The following NPR1 variants were observed in gnomAD, a reference collection of about 807,000 sequenced individuals.
NPR1 encodes the protein atrial natriuretic peptide receptor 1.
NPR1 carries 57 observed loss-of-function variants against 116.9 expected under a neutral mutation model. The ratio of observed to expected loss-of-function variants is 0.49; its 90% CI spans 0.39 to 0.61. The LOEUF (loss-of-function observed/expected upper bound fraction) is 0.61, where lower values mean the gene tolerates loss of function less well. Ranked by LOEUF, NPR1 falls within the 20% of genes least tolerant of loss-of-function variation. The pLI, the probability that NPR1 is intolerant of heterozygous loss-of-function variation, is 0.00. For synonymous variants in NPR1, 555 were observed against 601.6 expected (o/e 0.92, Z 1.13); for missense variants, 1,096 against 1,409.8 (o/e 0.78, Z 3.56).
At position 153,682,537 on chromosome 1, in the gene NPR1, G is replaced by A. The variant is rs769691983; in HGVS notation, c.1211G>A (p.Arg404Gln). 5.0e-6 allele frequency: 8 copies of A among 1,614,014 alleles called. No homozygotes were observed. The highest frequency in any genetic ancestry group is 2.2e-5 in the East Asian group (1 of 44,884). Residue 404 changes from arginine (R) to glutamine (Q), a missense_variant, in exon 5 of 22, where the codon CGG (arginine) becomes CAG (glutamine). Transcript: ENST00000368680. ...CTGAAAATTGATAGCAGTGGCGATCGGGAAACAGACTTCTCCCTCTGGGAT... is the reference window on the plus strand; with the variant it reads ...CTGAAAATTGATAGCAGTGGCGATCAGGAAACAGACTTCTCCCTCTGGGAT... ...GYLKIDSSGD[R>Q]ETDFSLWDMD...
intron 4 of NPR1, among the ~76,000 whole-genome samples, chr1:153,682,241 G>A (rs1354412022): frequency 6.6e-6 from 1 of 151,544 alleles, no homozygotes; most frequent in Non-Finnish European, 1.5e-5. Context: ...ATTTTTTTTA[G>A]TAGAGACAGG....
Position 153,679,771 on chromosome 1 carries a change from C to G in NPR1, c.663C>G (p.Ala221=), listed in dbSNP as rs1170371309. The stretch of plus-strand genomic sequence containing the variant: ...TTACGGTGGACCACCTGGAGTTCGC[C>G]GAGGACGACCTCAGCCACTACACCA... ...LNITVDHLEF[A]EDDLSHYTRL... is the part of the protein sequence containing the mutation. The change falls in exon 1 of 22, where the codon GCC becomes GCG. Residue 221 remains alanine (A), a synonymous_variant. Transcript: ENST00000368680. This position sits in a 1 kb window ranked among gnomAD's most constrained non-coding sequence, Gnocchi z 4.2. 3.8e-6 allele frequency: 6 copies of G among 1,567,496 alleles called. No homozygotes were observed. Among genetic ancestry groups the G allele is most frequent in the Non-Finnish European group, 5.2e-6 (6 of 1,160,874 alleles).
At position 153,693,472 on chromosome 1, in the gene NPR1, T is replaced by A. The variant is rs137857759; in HGVS notation, c.*58T>A. 3.6e-4 allele frequency: 526 copies of A among 1,481,536 alleles called. 2 individuals carry two copies. In the African/African-American group the frequency reaches 4.5e-3, roughly 13 times the overall value. 91.8% of individuals were successfully genotyped at this position (1,481,536 alleles called of 1,614,324 possible). On this transcript the variant is annotated 3_prime_UTR_variant, in exon 22 of 22. Coordinates refer to ENST00000368680, the MANE Select transcript of NPR1 (RefSeq NM_000906.4). ...TACCCTGTGCCAGAAGCAACAGAGG[T>A]GCCAGGCCTCAGCCTCACCCACAGC...
chr1:153,685,715 TAA>T, intron 8 of NPR1, 89 bp from the exon 9 acceptor site: 1 of 981,640 alleles, frequency 1.0e-6, no homozygotes, highest in South Asian at 1.3e-5. Context: ...TAAGGCAGGA[TAA>T]GGCAGGGAAA....
At chr1:153,688,444 C>T (rs1669996602) in intron 15 of NPR1, among the ~76,000 whole-genome samples, 1 of 152,184 alleles carries the variant, frequency 6.6e-6, no homozygotes, top group Non-Finnish European at 1.5e-5. Context: ...CTTCCCTCCA[C>T]CATCGACACC....
In NPR1 at chr1:153,679,425, G is replaced by C. The variant is rs1423548718; in HGVS notation, c.317G>C (p.Trp106Ser). The C allele has an allele frequency of 1.3e-6, 2 of 1,543,172 alleles. No homozygotes were observed. Among genetic ancestry groups the C allele is most frequent in the Non-Finnish European group, 1.7e-6 (2 of 1,149,036 alleles). Residue 106 changes from tryptophan (W) to serine (S), a missense_variant, in exon 1 of 22, where the codon TGG (tryptophan) becomes TCG (serine). Trp to Ser is a radical substitution (Grantham distance 177, BLOSUM62 -3). Coordinates refer to ENST00000368680, the MANE Select transcript of NPR1 (RefSeq NM_000906.4). The surrounding 1 kb of genome is among the most constrained non-coding windows in gnomAD (Gnocchi z 4.2). Reference sequence around the variant, plus strand: ...CCCCTGGCCGCGGTGGACCTCAAGTGGGAGCACAACCCCGCTGTGTTCCTG... The same window carrying C: ...CCCCTGGCCGCGGTGGACCTCAAGTCGGAGCACAACCCCGCTGTGTTCCTG... ...AAPLAAVDLK[W>S]EHNPAVFLGP... is the part of the protein sequence containing the mutation.
chr1:153,682,660 C>T (rs1669815366), intron 5 of NPR1, 71 bp downstream of exon 5: 1 of 1,150,822 alleles, frequency 8.7e-7, no homozygotes, highest in African/African-American at 1.5e-5. Flanking sequence ...CCCCCCACAG[C>T]CCTGCCAGGG....
rs1405810033 is a variant in NPR1, at chr1:153,693,211, C to A, written c.3123+14C>A. 1 of 1,611,794 alleles carries A rather than the reference C, an allele frequency of 6.2e-7. No individual in the cohort carries two copies. The highest frequency in any genetic ancestry group is 8.5e-7 in the Non-Finnish European group (1 of 1,177,960). On this transcript the variant is annotated intron_variant, in intron 21 of 21. Transcript: ENST00000368680. Reference sequence around the variant, plus strand: ...GTAGAAATGAAGGTAGAGGGAGAAGCCTCTGCCCTCCCCACCTTTTGGGGT... The same window carrying A: ...GTAGAAATGAAGGTAGAGGGAGAAGACTCTGCCCTCCCCACCTTTTGGGGT...
intron 2 of NPR1, 22 bp downstream of exon 2, chr1:153,680,722 C>T (rs1466171027): frequency 6.3e-6 from 10 of 1,588,464 alleles, no homozygotes; most frequent in Non-Finnish European, 8.6e-6. Flanking sequence ...GGTTTGAAGC[C>T]CAGGCTGTCT....
At chr1:153,692,898 T>C (rs924972551) in intron 20 of NPR1, among the ~76,000 whole-genome samples, 1 of 152,084 alleles carries the variant, frequency 6.6e-6, no homozygotes, top group Non-Finnish European at 1.5e-5. Flanking sequence ...ATTACACAGC[T>C]CCAGAGTTCT....
chr1:153,689,133 C>T lies in NPR1; in HGVS notation c.2564+34C>T. 3.7e-6 allele frequency: 6 copies of T among 1,614,114 alleles called. No individual in the cohort carries two copies. The highest frequency in any genetic ancestry group is 5.1e-6 in the Non-Finnish European group (6 of 1,179,970). On this transcript the variant is annotated intron_variant, in intron 16 of 21. Coordinates refer to ENST00000368680, the MANE Select transcript of NPR1 (RefSeq NM_000906.4). This position sits in a 1 kb window ranked among gnomAD's most constrained non-coding sequence, Gnocchi z 5.1. Reference sequence around the variant, plus strand: ...CTGAGTCTGGGGACCCCCCCCAACACAAAGCCCCTGTCCCGACCCCCAACT... The same window carrying T: ...CTGAGTCTGGGGACCCCCCCCAACATAAAGCCCCTGTCCCGACCCCCAACT...
At chr1:153,688,667 T>C (rs1670002053) in intron 15 of NPR1, 2 of 492,128 alleles carry the variant, frequency 4.1e-6, no homozygotes, top group South Asian at 2.8e-5. Flanking sequence ...AATTGACCCT[T>C]GTCATTCTCC....
chr1:153,688,323 C>A, intron 15 of NPR1, 102 bp downstream of exon 15: 2 of 1,196,972 alleles, frequency 1.7e-6, no homozygotes, highest in Non-Finnish European at 2.4e-6. Flanking sequence ...AGAGGGAGAC[C>A]ACTCACCTCC....
Position 153,685,016 on chromosome 1 carries a change from G to C in NPR1, c.1537G>C (p.Glu513Gln), listed in dbSNP as rs1351944893. 1 of 1,613,996 alleles carries C rather than the reference G, an allele frequency of 6.2e-7. No homozygotes were observed. The highest frequency in any genetic ancestry group is 8.5e-7 in the Non-Finnish European group (1 of 1,179,980). The change falls in exon 8 of 22, where the codon GAG becomes CAG. Residue 513 changes from glutamate to glutamine, a missense_variant. Coordinates refer to ENST00000368680, the MANE Select transcript of NPR1 (RefSeq NM_000906.4). ...LASELWRVRW[E>Q]DVEPSSLERH... ...CTCGGAGCTGTGGCGGGTGCGCTGGGAGGACGTTGAGCCCAGTAGCCTTGA... is the reference window on the plus strand; with the variant it reads ...CTCGGAGCTGTGGCGGGTGCGCTGGCAGGACGTTGAGCCCAGTAGCCTTGA...
At chr1:153,685,784 C>T (rs1234569325) in intron 8 of NPR1, 22 bp from the exon 9 acceptor site, 2 of 1,606,986 alleles carry the variant, frequency 1.2e-6, no homozygotes, top group South Asian at 1.1e-5. Context: ...CTGACCATTC[C>T]TCCTGCTCTC....
At chr1:153,688,296 C>G (rs760087659) in intron 15 of NPR1, 75 bp downstream of exon 15, 1 of 1,507,960 alleles carries the variant, frequency 6.6e-7, no homozygotes, top group African/African-American at 1.4e-5. Flanking sequence ...CTGGCTCTGG[C>G]TTATCCCAGC....
Position 153,679,297 on chromosome 1 carries a change from G to A in NPR1, c.189G>A (p.Leu63=), listed in dbSNP as rs925106262. Residue 63 remains leucine (L), a synonymous_variant, in exon 1 of 22, where the codon CTG becomes CTA. Transcript: ENST00000368680. The surrounding 1 kb of genome is among the most constrained non-coding windows in gnomAD (Gnocchi z 4.2). ...ARVGPAVELA[L]AQVKARPDLL... is the part of the protein sequence containing the mutation. ...TGGGACCCGCCGTGGAGCTGGCCCT[G>A]GCCCAGGTGAAGGCGCGCCCCGACT... 38 of 1,531,442 alleles carry A rather than the reference G, an allele frequency of 2.5e-5. No homozygotes were observed. Among genetic ancestry groups the A allele is most frequent in the Non-Finnish European group, 3.2e-5 (37 of 1,144,802 alleles). 94.9% of individuals were successfully genotyped at this position (1,531,442 alleles called of 1,614,324 possible).
At chr1:153,690,468 C>A in intron 20 of NPR1, 86 bp downstream of exon 20, 3 of 940,374 alleles carry the variant, frequency 3.2e-6, no homozygotes, top group South Asian at 1.5e-5. Flanking sequence ...CTGCACAGCC[C>A]GTTTCAGCTC....
At chr1:153,684,386 C>CTTTTTTTT (rs58272090) in intron 7 of NPR1, among the ~76,000 whole-genome samples, 308 of 89,038 alleles carry the variant, frequency 3.5e-3, no homozygotes, top group Non-Finnish European at 4.2e-3. Flanking sequence ...TTCTTTCTTT[C>CTTTTTTTT]TTTTTTTTTT....
Sources: gnomAD v4.1 joint callset for allele counts (sites outside exome capture counted in the v4.1 genomes callset) on GRCh38, gnomAD v4.1.1 for gene constraint, Gnocchi (gnomAD v3.1) non-coding constraint, MANE v1.5 for transcripts, NCBI Gene and HGNC (gene_info 2026-07-23, HGNC 2026-07-21) for gene names.